The following ADGRE2 variants were observed in gnomAD, a reference collection of about 807,000 sequenced individuals.
ADGRE2 encodes the protein CD97 antigen.
Under a neutral mutation model 100.8 loss-of-function variants are expected in ADGRE2, and 83 were observed. That is an observed-to-expected ratio of 0.82 (90% CI 0.69 to 0.99). The LOEUF (loss-of-function observed/expected upper bound fraction) is 0.99, where lower values mean the gene tolerates loss of function less well. Ranked by LOEUF, ADGRE2 falls within the 50% of genes least tolerant of loss-of-function variation. The probability of loss-of-function intolerance (pLI) is 0.00; values close to 1 mark genes in which losing one functional copy is unlikely to be tolerated. For missense variants in ADGRE2, 814 were observed against 1,035.7 expected (o/e 0.79, Z 2.94); for synonymous variants, 355 against 413.0 (o/e 0.86, Z 1.70).
intron 20 of ADGRE2, among the ~76,000 whole-genome samples, chr19:14,736,642 T>G (rs2042751649): frequency 6.8e-6 from 1 of 146,388 alleles, no homozygotes; most frequent in Non-Finnish European, 1.5e-5. Context: ...ATATAGATAT[T>G]TAGAAATACA....
Position 14,745,682 on chromosome 19 carries a change from G to A in ADGRE2, c.2183+550C>T, listed in dbSNP as rs1053839765. Among the ~76,000 whole-genome samples the A allele has an allele frequency of 4.6e-5, 7 of 151,824 alleles. No homozygotes were observed. The South Asian group carries it at 8.4e-4, about 18-fold the overall frequency. ...TGCAGTGGTGTGATCTCGGCTCACC[G>A]CAACCTCCGCCTCCTGGGTTCAAGC... On this transcript the variant is annotated intron_variant, in intron 18 of 20. Transcript: ENST00000315576.
In ADGRE2 at chr19:14,755,813, C is replaced by T. The variant is rs760317106; in HGVS notation, c.1257G>A (p.Leu419=). The T allele has an allele frequency of 8.7e-6, 14 of 1,614,076 alleles. No homozygotes were observed. Among genetic ancestry groups the T allele is most frequent in the African/African-American group, 2.7e-5 (2 of 74,918 alleles). ...GCATCTGCTTCTCAGGTTCCAGGAC[C>T]AGAGGGGCCTCAGCCAGCAACTTGC... ...GMGKLLAEAP[L]VLEPEKQMLL... is the part of the protein sequence containing the mutation. The change falls in exon 13 of 21, where the codon CTG becomes CTA. Residue 419 remains leucine, a synonymous_variant. Coordinates refer to ENST00000315576, the MANE Select transcript of ADGRE2 (RefSeq NM_013447.4).
intron 16 of ADGRE2, 69 bp from the exon 17 acceptor site, chr19:14,747,031 C>G (rs2043116175): frequency 7.7e-7 from 1 of 1,304,988 alleles, no homozygotes; most frequent in Non-Finnish European, 1.1e-6. Context: ...TAAATCTATT[C>G]CATCCCTCCT....
Position 14,764,352 on chromosome 19 carries a change from C to T in ADGRE2, c.1084+81G>A, listed in dbSNP as rs2043868456. 5.3e-6 allele frequency: 7 copies of T among 1,319,000 alleles called. No individual in the cohort carries two copies. In the Admixed American group the frequency reaches 1.1e-4, roughly 20 times the overall value. 81.7% of individuals were successfully genotyped at this position (1,319,000 alleles called of 1,614,324 possible). On this transcript the variant is annotated intron_variant, in intron 11 of 20. Coordinates refer to ENST00000315576, the MANE Select transcript of ADGRE2 (RefSeq NM_013447.4). ...AGTAACACTGATATACAGGTGTGGT[C>T]ACTTGGCTCTGGTGGGACTGGGAAA...
the ADGRE2 span, among the ~76,000 whole-genome samples, chr19:14,725,014 G>A: frequency 6.6e-6 from 1 of 152,172 alleles, no homozygotes; most frequent in African/African-American, 2.4e-5. Flanking sequence ...AAAGAAAAGA[G>A]GTTTAACGGG....
At chr19:14,752,782 A>T (rs1599822500) in intron 14 of ADGRE2, among the ~76,000 whole-genome samples, 1 of 149,942 alleles carries the variant, frequency 6.7e-6, no homozygotes, top group African/African-American at 2.5e-5. Flanking sequence ...TGCCCTGCTA[A>T]TTTTTTTTTT....
chr19:14,749,729 G>GTTACATAATTATTTATAGCTATGTTATA (rs2043222776), intron 16 of ADGRE2, among the ~76,000 whole-genome samples: 14 of 86,060 alleles, frequency 1.6e-4, no homozygotes, highest in South Asian at 5.1e-4. Flanking sequence ...GCTATGTTAT[G>GTTACATAATTATTTATAGCTATGTTATA]TAATTATTCA....
the ADGRE2 span, among the ~76,000 whole-genome samples, chr19:14,725,290 C>T: frequency 6.6e-6 from 1 of 152,158 alleles, no homozygotes. Context: ...GAATACGTCC[C>T]ACCAGTCCCC....
At chr19:14,773,080 C>CAAAA (rs35688921) in intron 4 of ADGRE2, among the ~76,000 whole-genome samples, 47 of 45,750 alleles carry the variant, frequency 1.0e-3, no homozygotes, top group Admixed American at 1.5e-3. Flanking sequence ...GACTCCATCT[C>CAAAA]AAAAAAAAAA....
chr19:14,725,247 A>G, the ADGRE2 span, among the ~76,000 whole-genome samples: 8 of 152,258 alleles, frequency 5.3e-5, no homozygotes, highest in South Asian at 1.0e-3. Flanking sequence ...GGATGACACT[A>G]AGCCATTCAT....
At chr19:14,764,040 T>C (rs1053336897) in intron 11 of ADGRE2, among the ~76,000 whole-genome samples, 11 of 150,498 alleles carry the variant, frequency 7.3e-5, no homozygotes, top group Admixed American at 2.0e-4. Flanking sequence ...CCTTCTCTTC[T>C]TCTTCTTCTT....
intron 5 of ADGRE2, among the ~76,000 whole-genome samples, chr19:14,771,618 T>C (rs1409934105): frequency 6.9e-6 from 1 of 145,388 alleles, no homozygotes; most frequent in Non-Finnish European, 1.5e-5. Context: ...AAGGCATCCA[T>C]TGCTTATTTA....
Position 14,752,279 on chromosome 19 carries a change from G to C in ADGRE2, c.1788+50C>G, listed in dbSNP as rs776193709. The C allele has an allele frequency of 1.9e-5, 31 of 1,605,734 alleles. No individual in the cohort carries two copies. The Admixed American group carries it at 2.3e-4, about 12-fold the overall frequency. ...AAATGCCGCATCATTCCATGAGCCA[G>C]CGTGTCCTGCGTCAAGGAAGGGAGC... is the stretch of plus-strand genomic sequence containing the variant. On this transcript the variant is annotated intron_variant, in intron 15 of 20. Transcript: ENST00000315576.
intron 6 of ADGRE2, among the ~76,000 whole-genome samples, chr19:14,766,673 A>T (rs1213254854): frequency 3.9e-5 from 6 of 152,148 alleles, no homozygotes; most frequent in African/African-American, 1.4e-4. Context: ...TCCCTCCCTC[A>T]CTATGGTGGA....
At chr19:14,728,249 A>G (rs1172631027), downstream of ADGRE2, among the ~76,000 whole-genome samples, 3 of 152,242 alleles carry the variant, frequency 2.0e-5, no homozygotes, top group African/African-American at 7.2e-5. Flanking sequence ...TCAAGCTGCA[A>G]AATTTGAGCT....
At chr19:14,765,626 G>T (rs781665385) in intron 8 of ADGRE2, 32 bp downstream of exon 8, 5 of 1,614,166 alleles carry the variant, frequency 3.1e-6, no homozygotes, top group Non-Finnish European at 3.4e-6. Flanking sequence ...TGTGTGTGCT[G>T]GGGGTGGGGA....
chr19:14,762,836 G>A (rs2043778873), intron 11 of ADGRE2, among the ~76,000 whole-genome samples: 1 of 151,820 alleles, frequency 6.6e-6, no homozygotes, highest in Non-Finnish European at 1.5e-5. Context: ...TAGAGATGGG[G>A]TTTCACTATG....
At chr19:14,746,172 T>A (rs976834503) in intron 18 of ADGRE2, 60 bp downstream of exon 18, 40 of 1,043,754 alleles carry the variant, frequency 3.8e-5, no homozygotes, top group Non-Finnish European at 5.2e-5. Flanking sequence ...CTGAGGCACA[T>A]GGCTTGGCTC....
At chr19:14,725,261 G>A in the ADGRE2 span, among the ~76,000 whole-genome samples, 2 of 152,092 alleles carry the variant, frequency 1.3e-5, no homozygotes, top group African/African-American at 4.8e-5. Flanking sequence ...CATTCATGAG[G>A]GATTTGCCCC....
Sources: gnomAD v4.1 joint callset for allele counts (sites outside exome capture counted in the v4.1 genomes callset) on GRCh38, gnomAD v4.1.1 for gene constraint, MANE v1.5 for transcripts, NCBI Gene and HGNC (gene_info 2026-07-23, HGNC 2026-07-21) for gene names.